Variants in CELF2 observed in about 807,000 individuals in gnomAD.
CELF2 encodes the protein CUGBP Elav-like family member 2, also known as CUG triplet repeat RNA-binding protein 2.
CELF2 carries 8 observed loss-of-function variants against 62.6 expected under a neutral mutation model. That is an observed-to-expected ratio of 0.13 (90% CI 0.07 to 0.23). The LOEUF is 0.23. Among genes scored for constraint, CELF2 ranks in the 10% least tolerant of loss-of-function variants. The pLI is 1.00. For missense variants in CELF2, 333 were observed against 671.0 expected, an observed-to-expected ratio of 0.50 and a Z score of 5.56; for synonymous variants, 258 against 250.0, an observed-to-expected ratio of 1.03 and a Z score of -0.30.
At chr10:10,603,099 A>G in the CELF2 span, among the ~76,000 whole-genome samples, 1 of 152,188 alleles carries the variant, frequency 6.6e-6, no homozygotes, top group Non-Finnish European at 1.5e-5. Context: ...ATCACACTCA[A>G]CCATAAATCT....
intron 1 of CELF2, among the ~76,000 whole-genome samples, chr10:11,042,342 TGA>T (rs1593832741): frequency 6.6e-6 from 1 of 152,218 alleles, no homozygotes; most frequent in Non-Finnish European, 1.5e-5. Context: ...AAGGTGGAAA[TGA>T]GAGTACAATT....
At chr10:10,487,485 T>C in the CELF2 span, among the ~76,000 whole-genome samples, 68 of 152,338 alleles carry the variant, frequency 4.5e-4, 1 homozygote, top group African/African-American at 1.5e-3. Context: ...CACTACAGTA[T>C]GTTTTTCTGC....
chr10:10,835,477 G>C (rs2058211687), intron 1 of CELF2, among the ~76,000 whole-genome samples: 1 of 151,872 alleles, frequency 6.6e-6, no homozygotes. Flanking sequence ...CTGCCTCCCG[G>C]GTTCTAGCGA....
chr10:11,044,035 C>T (rs1423748054), intron 1 of CELF2, among the ~76,000 whole-genome samples: 1 of 152,222 alleles, frequency 6.6e-6, no homozygotes, highest in African/African-American at 2.4e-5. Context: ...CCTGAACCCT[C>T]TTCCCTCAGT....
chr10:10,694,477 A>T, the CELF2 span, among the ~76,000 whole-genome samples: 80 of 152,230 alleles, frequency 5.3e-4, no homozygotes, highest in African/African-American at 1.8e-3. Context: ...GCTGAAAAAA[A>T]TGTATATTCT....
the CELF2 span, among the ~76,000 whole-genome samples, chr10:10,675,715 A>AT: frequency 1.4e-3 from 218 of 152,070 alleles, 1 homozygote; most frequent in African/African-American, 4.9e-3. Flanking sequence ...AAACTCAGAG[A>AT]TGTTTCCTCA....
chr10:11,187,669 T>C (rs2134293883), intron 2 of CELF2, among the ~76,000 whole-genome samples: 1 of 152,300 alleles, frequency 6.6e-6, no homozygotes, highest in South Asian at 2.1e-4. Flanking sequence ...GTTATAGCTC[T>C]TTTTTGTTGT....
the CELF2 span, among the ~76,000 whole-genome samples, chr10:10,547,729 G>A: frequency 6.7e-6 from 1 of 149,714 alleles, no homozygotes; most frequent in African/African-American, 2.4e-5. Context: ...GTGTGTGTGT[G>A]TATCTCAGCA....
chr10:11,014,119 T>C (rs2056893661), upstream of CELF2, among the ~76,000 whole-genome samples: 1 of 152,252 alleles, frequency 6.6e-6, no homozygotes, highest in Non-Finnish European at 1.5e-5. Flanking sequence ...GCTGTTGCTG[T>C]TAACTAAAAC....
At chr10:10,694,834 C>T in the CELF2 span, among the ~76,000 whole-genome samples, 11 of 151,568 alleles carry the variant, frequency 7.3e-5, no homozygotes, top group African/African-American at 2.7e-4. Flanking sequence ...AGGATTGCAA[C>T]CCCTGCCTTT....
chr10:11,331,473 GAAAA>G lies in CELF2; in HGVS notation c.*2424_*2427del, dbSNP rs974510875. ...AAATGTGATGTTTTTTTCTTTTAAA[GAAAA>G]AAAGTGAAAATATATAGTGCCAAAT... is the stretch of plus-strand genomic sequence containing the variant. On this transcript the variant is annotated 3_prime_UTR_variant, in exon 13 of 13. Coordinates refer to ENST00000633077, the MANE Select transcript of CELF2 (RefSeq NM_001326342.2). 5.3e-5 allele frequency: 8 copies of G among 149,996 alleles called. No homozygotes were observed. The highest frequency in any genetic ancestry group is 1.0e-4 in the Non-Finnish European group (7 of 67,538). The allele number at this position is 149,996 out of a possible 1,614,324, so 9.3% of individuals were successfully genotyped here. A position where few individuals can be genotyped will look rare whatever the true frequency, so the allele number is the denominator to read the frequency against.
At chr10:10,834,424 T>C (rs1386549100) in intron 1 of CELF2, among the ~76,000 whole-genome samples, 1 of 152,132 alleles carries the variant, frequency 6.6e-6, no homozygotes, top group African/African-American at 2.4e-5. Context: ...CAAGTTTACC[T>C]ATATAGCAAA....
At chr10:10,579,162 G>A in the CELF2 span, among the ~76,000 whole-genome samples, 110 of 152,282 alleles carry the variant, frequency 7.2e-4, no homozygotes, top group Admixed American at 2.5e-3. Flanking sequence ...GGAATAACAA[G>A]TTCCTTTCAA....
intron 2 of CELF2, among the ~76,000 whole-genome samples, chr10:10,941,444 A>G (rs1373756482): frequency 1.3e-5 from 2 of 152,190 alleles, no homozygotes; most frequent in Non-Finnish European, 2.9e-5. Context: ...TGATTTATTG[A>G]TTTAATTTCT....
At chr10:10,499,954 G>T in the CELF2 span, among the ~76,000 whole-genome samples, 1 of 145,124 alleles carries the variant, frequency 6.9e-6, no homozygotes, top group Non-Finnish European at 1.6e-5. Flanking sequence ...ACAATAGAGA[G>T]ACATACATAA....
the CELF2 span, among the ~76,000 whole-genome samples, chr10:10,537,990 G>C: frequency 6.6e-6 from 1 of 152,052 alleles, no homozygotes; most frequent in Non-Finnish European, 1.5e-5. Context: ...TGTCCCCAAG[G>C]GCTCTTCATG....
intron 1 of CELF2, among the ~76,000 whole-genome samples, chr10:11,155,341 G>T (rs1470142602): frequency 2.6e-5 from 4 of 151,338 alleles, no homozygotes; most frequent in African/African-American, 9.8e-5. Flanking sequence ...TCACCACGAG[G>T]CTGCTTCAGA....
chr10:10,642,439 C>T, the CELF2 span, among the ~76,000 whole-genome samples: 1 of 152,206 alleles, frequency 6.6e-6, no homozygotes, highest in Non-Finnish European at 1.5e-5. Context: ...ATGTCACAGC[C>T]TGACGAGGAG....
At chr10:10,736,401 T>TC in the CELF2 span, among the ~76,000 whole-genome samples, 2 of 147,490 alleles carry the variant, frequency 1.4e-5, no homozygotes, top group Admixed American at 6.8e-5. Flanking sequence ...TCTTTCTTTT[T>TC]TTTTTTTTTG....
Sources: allele counts gnomAD v4.1 joint callset (sites outside exome capture counted in the v4.1 genomes callset), GRCh38; gene constraint gnomAD v4.1.1; transcripts MANE v1.5; gene names NCBI Gene and HGNC (gene_info 2026-07-23, HGNC 2026-07-21).